Variants in TCF7L2 observed in about 807,000 individuals in gnomAD.
The protein encoded by TCF7L2 is transcription factor 7 like 2.
In TCF7L2, 23 loss-of-function variants were observed where a neutral mutation model predicts 77.9. The observed-to-expected ratio is 0.30, with a 90% CI of 0.21 to 0.42. TCF7L2 has a LOEUF of 0.42. Among genes scored for constraint, TCF7L2 ranks in the 10% least tolerant of loss-of-function variants. TCF7L2 has a pLI of 1.00. For synonymous variants in TCF7L2, 413 were observed against 340.2 expected (o/e 1.21, Z -2.36); for missense variants, 654 against 793.1 (o/e 0.82, Z 2.11).
intron 4 of TCF7L2, among the ~76,000 whole-genome samples, chr10:112,979,357 G>A (rs949070071): frequency 6.6e-6 from 1 of 152,162 alleles, no homozygotes; most frequent in Non-Finnish European, 1.5e-5. Context: ...GGTGCACATT[G>A]AGTGCCCATT....
chr10:113,006,602 C>T (rs1455624770), intron 4 of TCF7L2, among the ~76,000 whole-genome samples: 4 of 152,214 alleles, frequency 2.6e-5, no homozygotes, highest in African/African-American at 9.6e-5. Context: ...TCTTCCTGCT[C>T]CCTTTCAGAC....
At chr10:113,101,185 G>A (rs1591689118) in intron 5 of TCF7L2, among the ~76,000 whole-genome samples, 3 of 152,278 alleles carry the variant, frequency 2.0e-5, no homozygotes, top group Admixed American at 2.0e-4. Context: ...GGAGCATTTT[G>A]TTATTCCCTC....
intron 5 of TCF7L2, among the ~76,000 whole-genome samples, chr10:113,104,797 G>T (rs919992552): frequency 6.6e-6 from 1 of 152,170 alleles, no homozygotes; most frequent in Admixed American, 6.5e-5. Flanking sequence ...GCTGTCTGGG[G>T]TCTTGGGTCC....
chr10:113,060,593 C>T (rs146738419), intron 5 of TCF7L2, among the ~76,000 whole-genome samples: 5 of 152,022 alleles, frequency 3.3e-5, no homozygotes, highest in African/African-American at 4.8e-5. Flanking sequence ...AAGTCAGCTT[C>T]GGCTTCTGCT....
At chr10:113,000,944 C>G (rs1291072738) in intron 4 of TCF7L2, among the ~76,000 whole-genome samples, 1 of 152,238 alleles carries the variant, frequency 6.6e-6, no homozygotes, top group South Asian at 2.1e-4. Flanking sequence ...ACTGCAGTCT[C>G]TAAGGATTCT....
At chr10:112,978,008 C>A (rs1332264102) in intron 4 of TCF7L2, among the ~76,000 whole-genome samples, 1 of 152,092 alleles carries the variant, frequency 6.6e-6, no homozygotes. Flanking sequence ...TATTTCTAAA[C>A]CCTGAAACCC....
At chr10:113,126,844 G>A (rs2065709129) in intron 5 of TCF7L2, 4 of 987,104 alleles carry the variant, frequency 4.1e-6, no homozygotes, top group Non-Finnish European at 4.8e-6. Context: ...CCCGCGAGCC[G>A]GCAGCGGGAA....
At chr10:113,097,663 A>C (rs973226026) in intron 5 of TCF7L2, among the ~76,000 whole-genome samples, 6 of 149,108 alleles carry the variant, frequency 4.0e-5, no homozygotes, top group South Asian at 2.1e-4. Flanking sequence ...AAAAAAAAAA[A>C]AAAAAAAAAA....
intron 5 of TCF7L2, among the ~76,000 whole-genome samples, chr10:113,102,349 G>C (rs541475957): frequency 1.3e-5 from 2 of 151,622 alleles, no homozygotes; most frequent in African/African-American, 4.8e-5. Context: ...TAGTAGATTT[G>C]AATGAATTAC....
intron 3 of TCF7L2, among the ~76,000 whole-genome samples, chr10:112,958,421 A>T (rs534657839): frequency 6.6e-6 from 1 of 152,164 alleles, no homozygotes; most frequent in South Asian, 2.1e-4. Context: ...AGAAGAAGTA[A>T]TGTTCAGGAA....
chr10:113,062,769 C>G (rs975081397), intron 5 of TCF7L2, among the ~76,000 whole-genome samples: 5 of 152,088 alleles, frequency 3.3e-5, no homozygotes, highest in Non-Finnish European at 7.4e-5. Context: ...GCTCTGTGGT[C>G]TATTACAGTC....
chr10:113,144,110 G>GTGTGTGTGTC, intron 7 of TCF7L2, 85 bp downstream of exon 7: 1 of 486,266 alleles, frequency 2.1e-6, no homozygotes, highest in African/African-American at 2.4e-5. Flanking sequence ...CTGTGTGTGT[G>GTGTGTGTGTC]TGTGTGTGTG....
At chr10:112,951,455 C>T (rs550814377) in intron 2 of TCF7L2, 28 bp from the exon 3 acceptor site, 5 of 1,395,976 alleles carry the variant, frequency 3.6e-6, no homozygotes, top group African/African-American at 1.5e-5. Context: ...GCGGCCGCCG[C>T]TGTCCCCTCG....
At chr10:113,080,073 CACACAGCCCACAT>C (rs1183611981) in intron 5 of TCF7L2, among the ~76,000 whole-genome samples, 4 of 152,008 alleles carry the variant, frequency 2.6e-5, no homozygotes, top group Admixed American at 1.3e-4. Context: ...ACACCACACA[CACACAGCCCACAT>C]ACACAGCCCA....
In TCF7L2 at chr10:112,964,819, G is replaced by GC. The variant is rs1357611116; in HGVS notation, c.450+195_450+196insC. Among the ~76,000 whole-genome samples the GC allele has an allele frequency of 5.0e-5, 7 of 138,690 alleles. 1 individual carries two copies. Among genetic ancestry groups the GC allele is most frequent in the South Asian group, 5.3e-4 (2 of 3,766 alleles). The allele number at this position is 138,690 out of a possible 152,430, so 91.0% of individuals were successfully genotyped here. ...TGGTGGTGGTGGTGGTGGTGGGGGG[G>GC]GGTTGAATCACTGGGGGAGAAGGGG... On this transcript the variant is annotated intron_variant, in intron 4 of 13. Transcript: ENST00000627217.
At chr10:112,986,202 G>T (rs977508836) in intron 4 of TCF7L2, among the ~76,000 whole-genome samples, 3 of 152,068 alleles carry the variant, frequency 2.0e-5, no homozygotes, top group Non-Finnish European at 4.4e-5. Flanking sequence ...AAAGCAACAT[G>T]AAAATGTCTT....
chr10:113,015,267 G>A (rs2047140780), intron 4 of TCF7L2, among the ~76,000 whole-genome samples: 1 of 152,194 alleles, frequency 6.6e-6, no homozygotes, highest in Non-Finnish European at 1.5e-5. Flanking sequence ...GATTCTGTGA[G>A]GAATAATTAG....
chr10:113,146,171 A>G, intron 8 of TCF7L2, 74 bp downstream of exon 8: 1 of 1,366,010 alleles, frequency 7.3e-7, no homozygotes, highest in Non-Finnish European at 1.0e-6. Flanking sequence ...ATGGCCACCA[A>G]GCCACCCAGG....
At chr10:112,996,518 G>A (rs1318108809) in intron 4 of TCF7L2, among the ~76,000 whole-genome samples, 2 of 152,130 alleles carry the variant, frequency 1.3e-5, no homozygotes, top group Admixed American at 1.3e-4. Context: ...CCCTCACCTT[G>A]GCCTTCAGCA....
Sources: gnomAD v4.1 joint callset for allele counts (sites outside exome capture counted in the v4.1 genomes callset) on GRCh38, gnomAD v4.1.1 for gene constraint, MANE v1.5 for transcripts, NCBI Gene and HGNC (gene_info 2026-07-23, HGNC 2026-07-21) for gene names.